IGSF6: variants seen among roughly 807,000 people sequenced by gnomAD.
The protein encoded by IGSF6 is immunoglobulin superfamily member 6.
Under a neutral mutation model 24.7 loss-of-function variants are expected in IGSF6, and 23 were observed. The observed-to-expected ratio is 0.93, with a 90% CI of 0.67 to 1.32. The LOEUF is 1.32. IGSF6 is among the 40% of genes most tolerant of loss of function. IGSF6 has a pLI of 0.00. For synonymous variants in IGSF6, 110 were observed against 113.7 expected, an observed-to-expected ratio of 0.97 and a Z score of 0.21; for missense variants, 295 against 293.6, an observed-to-expected ratio of 1.00 and a Z score of -0.04.
At chr16:21,650,823 A>T (rs1966554415) in intron 1 of IGSF6, among the ~76,000 whole-genome samples, 1 of 152,208 alleles carries the variant, frequency 6.6e-6, no homozygotes, top group South Asian at 2.1e-4. Flanking sequence ...TTCTTTTAAG[A>T]ATCCTCATAT....
rs778501363 is a variant in IGSF6 at position 21,641,495 on chromosome 16, G to A, written c.*39C>T. ...CATTAACACTGCCATAGCTCCTGGA[G>A]TTGGATTTTCAGTGACTTCATTGAA... On this transcript the variant is annotated 3_prime_UTR_variant, in exon 6 of 6. Transcript: ENST00000268389. The A allele has an allele frequency of 1.6e-6, 2 of 1,276,684 alleles. No individual in the cohort carries two copies. The highest frequency in any genetic ancestry group is 3.0e-5 in the African/African-American group (2 of 66,974). 79.1% of individuals were successfully genotyped at this position (1,276,684 alleles called of 1,614,324 possible).
intron 2 of IGSF6, among the ~76,000 whole-genome samples, chr16:21,645,736 T>C (rs1050780045): frequency 1.3e-5 from 2 of 152,176 alleles, no homozygotes; most frequent in Non-Finnish European, 2.9e-5. Flanking sequence ...GACTAACATG[T>C]TTTTAGAAGG....
rs1966260691 is a variant in IGSF6, at chr16:21,641,299, AT to A, written c.*234del. Reference sequence around the variant, plus strand: ...ACTCAGGATACAAGTTTAAAATAGAATTTTTTTTCTTGGCAAATTTGGAAGG... The same window carrying A: ...ACTCAGGATACAAGTTTAAAATAGAATTTTTTTCTTGGCAAATTTGGAAGG... On this transcript the variant is annotated 3_prime_UTR_variant, in exon 6 of 6. Transcript: ENST00000268389. The A allele has an allele frequency of 1.5e-5, 5 of 341,842 alleles. No homozygotes were observed. The highest frequency in any genetic ancestry group is 5.6e-5 in the South Asian group (1 of 17,828). The allele number at this position is 341,842 out of a possible 1,614,324, so 21.2% of individuals were successfully genotyped here. A position where few individuals can be genotyped will look rare whatever the true frequency, so the allele number is the denominator to read the frequency against.
intron 1 of IGSF6, among the ~76,000 whole-genome samples, chr16:21,650,715 G>A (rs936730786): frequency 7.9e-5 from 12 of 152,106 alleles, no homozygotes; most frequent in African/African-American, 2.9e-4. Flanking sequence ...AGGAACTTGT[G>A]ATGAAACTGT....
At chr16:21,646,158 C>CT (rs11415948) in intron 2 of IGSF6, among the ~76,000 whole-genome samples, 115,308 of 150,512 alleles carry the variant, frequency 0.77, 44,461 homozygotes, top group African/African-American at 0.82. Flanking sequence ...GAAATTCCCC[C>CT]TTTTTTTTTC....
intron 4 of IGSF6, 62 bp from the exon 5 acceptor site, chr16:21,643,216 A>G (rs1597782950): frequency 1.6e-6 from 2 of 1,284,432 alleles, no homozygotes; most frequent in Non-Finnish European, 2.2e-6. Context: ...ATAACGACGC[A>G]TCATCAGAAC....
At chr16:21,647,635 A>G in intron 1 of IGSF6, 143 bp from the exon 2 acceptor site, 1 of 1,094,950 alleles carries the variant, frequency 9.1e-7, no homozygotes, top group East Asian at 2.6e-5. Context: ...AATAAACACC[A>G]GTGGTCCTCA....
rs1966257010 is a variant in IGSF6, at chr16:21,641,208, G to C, written c.*326C>G. ...AGGTGATTCTTCCACTCAAGACTGA[G>C]GCACATGGTTTGGCTTCAGATCTTC... On this transcript the variant is annotated 3_prime_UTR_variant, in exon 6 of 6. Coordinates refer to ENST00000268389, the MANE Select transcript of IGSF6 (RefSeq NM_005849.4). The C allele has an allele frequency of 5.4e-6, 1 of 186,086 alleles. No homozygotes were observed. The highest frequency in any genetic ancestry group is 6.2e-5 in the Admixed American group (1 of 16,228). The allele number at this position is 186,086 out of a possible 1,614,324, so 11.5% of individuals were successfully genotyped here. A position where few individuals can be genotyped will look rare whatever the true frequency, so the allele number is the denominator to read the frequency against.
At position 21,641,563 on chromosome 16, in the gene IGSF6, T is replaced by G. The variant is rs1216052064; in HGVS notation, c.697A>C (p.Arg233=). The change falls in exon 6 of 6, where the codon AGA becomes CGA. Residue 233 remains arginine (R), a synonymous_variant. Transcript: ENST00000268389. The part of the protein sequence containing the change: ...EKDNNTYENR[R]VLSNYERP The stretch of plus-strand genomic sequence containing the variant: ...GGCCTTTCATAGTTGGAAAGTACTC[T>G]TCTGTTTTCATAAGTGTTGTTATCT... The G allele has an allele frequency of 1.4e-5, 23 of 1,594,104 alleles. No homozygotes were observed. The Admixed American group carries it at 3.9e-4, about 27-fold the overall frequency.
chr16:21,650,536 TG>T (rs1422547406), intron 1 of IGSF6, among the ~76,000 whole-genome samples: 1 of 148,958 alleles, frequency 6.7e-6, no homozygotes, highest in Non-Finnish European at 1.5e-5. Context: ...AAATAGAGGT[TG>T]GGGTGGCGGG....
At chr16:21,650,915 T>A (rs1966556225) in intron 1 of IGSF6, among the ~76,000 whole-genome samples, 2 of 152,148 alleles carry the variant, frequency 1.3e-5, no homozygotes, top group Admixed American at 1.3e-4. Context: ...GAAAGATTAT[T>A]CTTATTATTT....
chr16:21,641,727 A>G (rs765597622), intron 5 of IGSF6, 134 bp from the exon 6 acceptor site: 22 of 486,250 alleles, frequency 4.5e-5, no homozygotes, highest in Non-Finnish European at 5.5e-5. Flanking sequence ...CTTAAAGGCC[A>G]GATTACCGTT....
At position 21,643,115 on chromosome 16, in the gene IGSF6, C is replaced by G. The variant is rs762711923; in HGVS notation, c.625G>C (p.Glu209Gln). ...ARRIFQEIAQELYHKRHVETN... is the reference protein window; with the variant it reads ...ARRIFQEIAQQLYHKRHVETN... ...TCCACATGTCTCTTATGGTATAGTT[C>G]TTGAGCAATTTCCTGAAAAATACGC... Residue 209 changes from glutamate (E) to glutamine (Q), a missense_variant, in exon 5 of 6, where the codon GAA becomes CAA. Transcript: ENST00000268389. 6.2e-7 allele frequency: 1 copy of G among 1,609,102 alleles called. No homozygotes were observed. Among genetic ancestry groups the G allele is most frequent in the Non-Finnish European group, 8.5e-7 (1 of 1,178,134 alleles).
intron 2 of IGSF6, chr16:21,646,643 G>A (rs1966436559): frequency 4.7e-6 from 1 of 213,672 alleles, no homozygotes; most frequent in Admixed American, 5.3e-5. Context: ...GGATGTTCGA[G>A]ATGGATTGGA....
intron 1 of IGSF6, among the ~76,000 whole-genome samples, chr16:21,649,195 G>C (rs1402780157): frequency 6.6e-6 from 1 of 152,046 alleles, no homozygotes; most frequent in Non-Finnish European, 1.5e-5. Context: ...GTTTCACCTT[G>C]TTACCTAGGC....
intron 2 of IGSF6, chr16:21,646,570 T>C (rs1262084896): frequency 1.6e-5 from 3 of 183,544 alleles, no homozygotes; most frequent in South Asian, 1.1e-4. Context: ...GTGAACATGG[T>C]TGGTTAAACA....
chr16:21,652,470 A>C, intron 1 of IGSF6, 62 bp downstream of exon 1: 1 of 1,282,456 alleles, frequency 7.8e-7, no homozygotes, highest in Non-Finnish European at 1.1e-6. Flanking sequence ...ATATAAATGC[A>C]TTAGGTGAAA....
chr16:21,643,110 T>C lies in IGSF6; in HGVS notation c.630A>G (p.Leu210=), dbSNP rs374825734. 14 of 1,609,674 alleles carry C rather than the reference T, an allele frequency of 8.7e-6. No homozygotes were observed. The highest frequency in any genetic ancestry group is 1.1e-5 in the Non-Finnish European group (13 of 1,178,214). The change falls in exon 5 of 6, where the codon CTA becomes CTG. Residue 210 remains leucine (L), a synonymous_variant. Coordinates refer to ENST00000268389, the MANE Select transcript of IGSF6 (RefSeq NM_005849.4). ...RRIFQEIAQE[L]YHKRHVETNQ... is the part of the protein sequence containing the mutation. ...TTGTTTCCACATGTCTCTTATGGTA[T>C]AGTTCTTGAGCAATTTCCTGAAAAA...
At chr16:21,651,230 C>CA (rs1199267762) in intron 1 of IGSF6, among the ~76,000 whole-genome samples, 2 of 151,876 alleles carry the variant, frequency 1.3e-5, no homozygotes, top group African/African-American at 4.8e-5. Flanking sequence ...CTCAAACAAA[C>CA]AAAAAAGCCA....
Sources: gnomAD v4.1 joint callset for allele counts (sites outside exome capture counted in the v4.1 genomes callset) on GRCh38, gnomAD v4.1.1 for gene constraint, MANE v1.5 for transcripts, NCBI Gene and HGNC (gene_info 2026-07-23, HGNC 2026-07-21) for gene names.